ACO2: variants seen among roughly 807,000 people sequenced by gnomAD.
ACO2 encodes the protein aconitate hydratase, mitochondrial.
ACO2 carries 31 observed loss-of-function variants against 84.5 expected under a neutral mutation model. The ratio of observed to expected loss-of-function variants is 0.37; its 90% confidence interval spans 0.28 to 0.50. The LOEUF (loss-of-function observed/expected upper bound fraction) is 0.50. Ranked by LOEUF, ACO2 falls within the 20% of genes least tolerant of loss-of-function variation. The pLI is 0.97. For synonymous variants in ACO2, 414 were observed against 412.7 expected (o/e 1.00, Z -0.04); for missense variants, 685 against 1,029.3 (o/e 0.67, Z 4.58).
chr22:41,512,733 CT>C, intron 4 of ACO2, among the ~76,000 whole-genome samples: 1 of 152,298 alleles, frequency 6.6e-6, no homozygotes, highest in African/African-American at 2.4e-5. Context: ...GATGGATCTT[CT>C]TTTGGTGGAC....
At chr22:41,517,804 G>A (rs1398048785) in intron 7 of ACO2, among the ~76,000 whole-genome samples, 173 bp downstream of exon 7, 1 of 152,198 alleles carries the variant, frequency 6.6e-6, no homozygotes. Flanking sequence ...TGAGTAGATT[G>A]TCTGGAGCTC....
chr22:41,484,425 T>C (rs942006559), intron 1 of ACO2, among the ~76,000 whole-genome samples: 2 of 152,148 alleles, frequency 1.3e-5, no homozygotes, highest in African/African-American at 2.4e-5. Flanking sequence ...GGATGGGTAA[T>C]GATGATAGAT....
At chr22:41,522,470 AAAG>A (rs2066534627) in intron 9 of ACO2, among the ~76,000 whole-genome samples, 2 of 152,256 alleles carry the variant, frequency 1.3e-5, no homozygotes, top group Non-Finnish European at 1.5e-5. Context: ...AGAAAGTATA[AAAG>A]AAGAAAATTA....
At chr22:41,483,988 G>A (rs1193787011) in intron 1 of ACO2, among the ~76,000 whole-genome samples, 3 of 152,148 alleles carry the variant, frequency 2.0e-5, no homozygotes, top group East Asian at 1.9e-4. Context: ...ATCTCCTGAC[G>A]CATTCATAAT....
chr22:41,479,253 A>C (rs977248019), intron 1 of ACO2, among the ~76,000 whole-genome samples: 1 of 152,184 alleles, frequency 6.6e-6, no homozygotes, highest in African/African-American at 2.4e-5. Context: ...ACAATGACAG[A>C]TGCCCATCCA....
Position 41,475,025 on chromosome 22 carries a change from G to A in ACO2, c.36+5843G>A, listed in dbSNP as rs139863750. On this transcript the variant is annotated intron_variant, in intron 1 of 17. Coordinates refer to ENST00000216254, the MANE Select transcript of ACO2 (RefSeq NM_001098.3). ...AGATGACGTCAAGTGTCTTACCCAG[G>A]GGCCCTCACTTGAGTCGAGTATGAG... Among the ~76,000 whole-genome samples, 77 of 151,908 alleles carry A rather than the reference G, an allele frequency of 5.1e-4. 1 individual carries two copies. The highest frequency in any genetic ancestry group is 1.8e-3 in the African/African-American group (75 of 41,412).
intron 3 of ACO2, among the ~76,000 whole-genome samples, chr22:41,510,484 AGGGCACACACTGGTCT>A (rs2066425765): frequency 6.6e-6 from 1 of 152,198 alleles, no homozygotes; most frequent in African/African-American, 2.4e-5. Flanking sequence ...GGGCCTTCAG[AGGGCACACACTGGTCT>A]GGAGTTTCAG....
At chr22:41,524,800 G>A in intron 12 of ACO2, 46 bp from the exon 13 acceptor site, 1 of 1,613,684 alleles carries the variant, frequency 6.2e-7, no homozygotes, top group Non-Finnish European at 8.5e-7. Flanking sequence ...CAGGAGACAG[G>A]AGTGGCAATT....
At position 41,525,178 on chromosome 22, in the gene ACO2, C is replaced by T; in HGVS notation, c.1606-15C>T. 1 of 1,612,940 alleles carries T rather than the reference C, an allele frequency of 6.2e-7. No individual in the cohort carries two copies. Among genetic ancestry groups the T allele is most frequent in the Non-Finnish European group, 8.5e-7 (1 of 1,179,114 alleles). On this transcript the variant is annotated splice_polypyrimidine_tract_variant and intron_variant, in intron 13 of 17. Transcript: ENST00000216254. ...GAGGACTCAGCACCCCACGCATCCC[C>T]ATTCCCTGCTGCAGGAGTTTGACCC... is the stretch of plus-strand genomic sequence containing the variant.
chr22:41,526,935 G>T (rs5758381), intron 15 of ACO2: 1 of 375,928 alleles, frequency 2.7e-6, no homozygotes, highest in South Asian at 3.3e-5. Context: ...CTCCCAGGAA[G>T]GGGGCGCCTT....
At chr22:41,504,723 T>TC (rs2066380528) in intron 2 of ACO2, among the ~76,000 whole-genome samples, 1 of 141,050 alleles carries the variant, frequency 7.1e-6, no homozygotes, top group Non-Finnish European at 1.5e-5. Flanking sequence ...TTTTTTTTTT[T>TC]TTTTTTTTTT....
Position 41,516,203 on chromosome 22 carries a change from GC to G in ACO2, c.835+289del, listed in dbSNP as rs879162682. On this transcript the variant is annotated intron_variant, in intron 6 of 17. Transcript: ENST00000216254. ...GAGCCAAGTCAGCTTCTGCTGCTGG[GC>G]CCAGGCCATAGCACTAGGCCACCTT... is the stretch of plus-strand genomic sequence containing the variant. 69 of 604,666 alleles carry G rather than the reference GC, an allele frequency of 1.1e-4. 1 individual carries two copies. The highest frequency in any genetic ancestry group is 7.4e-4 in the South Asian group (37 of 49,992). 37.5% of individuals were successfully genotyped at this position (604,666 alleles called of 1,614,324 possible). A position where few individuals can be genotyped will look rare whatever the true frequency, so the allele number is the denominator to read the frequency against.
chr22:41,478,387 A>G (rs1200992184), intron 1 of ACO2, among the ~76,000 whole-genome samples: 2 of 152,128 alleles, frequency 1.3e-5, no homozygotes, highest in African/African-American at 4.8e-5. Context: ...CAAGTGGTCC[A>G]GCTGCCCCAG....
chr22:41,486,660 CG>C lies in ACO2; in HGVS notation c.37-13062del, dbSNP rs1242181854. Among the ~76,000 whole-genome samples, 3 of 151,412 alleles carry C rather than the reference CG, an allele frequency of 2.0e-5. No individual in the cohort carries two copies. In the East Asian group the frequency reaches 5.9e-4, roughly 30 times the overall value. ...CAATTTTTTGTATTTTTAGTAGAGA[CG>C]GGGTTTCACCATGTTAGCCAGGATG... is the stretch of plus-strand genomic sequence containing the variant. On this transcript the variant is annotated intron_variant, in intron 1 of 17. Coordinates refer to ENST00000216254, the MANE Select transcript of ACO2 (RefSeq NM_001098.3).
intron 2 of ACO2, among the ~76,000 whole-genome samples, chr22:41,502,895 C>A (rs1361586816): frequency 6.6e-6 from 1 of 152,062 alleles, no homozygotes; most frequent in Non-Finnish European, 1.5e-5. Flanking sequence ...CAGGTGTGAG[C>A]CACTGCGCCT....
rs746348188 is a variant in ACO2 at position 41,522,981 on chromosome 22, C to T, written c.1290C>T (p.Asp430=). The T allele has an allele frequency of 1.7e-5, 28 of 1,614,024 alleles. No homozygotes were observed. The highest frequency in any genetic ancestry group is 5.0e-5 in the Admixed American group (3 of 60,004). ...AGATCCGCGCCACCATTGAGCGGGA[C>T]GGCTATGTGAGTGCCCATATCCCCC... is the stretch of plus-strand genomic sequence containing the variant. ...SEQIRATIER[D]GYAQILRDLG... The change falls in exon 10 of 18, where the codon GAC becomes GAT. Residue 430 remains aspartate, a synonymous_variant. Coordinates refer to ENST00000216254, the MANE Select transcript of ACO2 (RefSeq NM_001098.3).
chr22:41,518,028 C>A (rs1372726598), intron 7 of ACO2, among the ~76,000 whole-genome samples: 1 of 152,230 alleles, frequency 6.6e-6, no homozygotes, highest in Non-Finnish European at 1.5e-5. Context: ...ACTTTCCCAG[C>A]CTCCCCTGAC....
intron 1 of ACO2, among the ~76,000 whole-genome samples, chr22:41,474,593 T>TTATAAAAA (rs2037987549): frequency 5.0e-4 from 1 of 2,006 alleles, no homozygotes; most frequent in Admixed American, 8.6e-3. Context: ...GCGCCTAGCC[T>TTATAAAAA]TTTTTTTTTT....
chr22:41,518,608 G>C (rs958157734), intron 8 of ACO2, 36 bp downstream of exon 8: 39 of 1,518,288 alleles, frequency 2.6e-5, no homozygotes, highest in Non-Finnish European at 3.4e-5. Context: ...AGAAGTTTCT[G>C]AGAGTAGTGG....
Sources: gnomAD v4.1 joint callset for allele counts (sites outside exome capture counted in the v4.1 genomes callset) on GRCh38, gnomAD v4.1.1 for gene constraint, MANE v1.5 for transcripts, NCBI Gene and HGNC (gene_info 2026-07-23, HGNC 2026-07-21) for gene names.